The following RNF220 variants were observed in gnomAD, a reference collection of about 807,000 sequenced individuals.
RNF220 encodes the protein ring finger protein 220, also known as E3 ubiquitin-protein ligase RNF220.
A neutral mutation model predicts 67.1 loss-of-function variants in RNF220; 7 were observed. The ratio of observed to expected loss-of-function variants is 0.10; its 90% CI spans 0.06 to 0.20. RNF220 has a LOEUF of 0.20. Ranked by LOEUF, RNF220 falls within the 10% of genes least tolerant of loss-of-function variation. The pLI is 1.00. For synonymous variants in RNF220, 270 were observed against 283.2 expected (o/e 0.95, Z 0.47); for missense variants, 565 against 740.3 (o/e 0.76, Z 2.75).
intron 2 of RNF220, among the ~76,000 whole-genome samples, chr1:44,516,605 G>A (rs1051306574): frequency 2.0e-5 from 3 of 151,966 alleles, no homozygotes; most frequent in Admixed American, 6.6e-5. Context: ...GAAAGGGATC[G>A]AAGAACCACC....
At chr1:44,609,509 G>A (rs1003991725) in intron 2 of RNF220, among the ~76,000 whole-genome samples, 20 of 152,116 alleles carry the variant, frequency 1.3e-4, no homozygotes, top group Admixed American at 2.0e-4. Context: ...TGAACAAGAC[G>A]CCCGACCTCT....
chr1:44,485,613 C>A (rs1315214616), intron 2 of RNF220, among the ~76,000 whole-genome samples: 1 of 152,222 alleles, frequency 6.6e-6, no homozygotes, highest in Admixed American at 6.5e-5. Context: ...CTCTCAAGAG[C>A]CTGTTTTTCA....
At chr1:44,614,474 C>A (rs74070564) in intron 3 of RNF220, among the ~76,000 whole-genome samples, 177 bp downstream of exon 3, 3,060 of 152,334 alleles carry the variant, frequency 0.02, 89 homozygotes, top group African/African-American at 0.07. Context: ...ATGGAGCCAC[C>A]TTCCTCTTCT....
intron 2 of RNF220, among the ~76,000 whole-genome samples, chr1:44,577,940 G>A (rs1311133979): frequency 6.6e-6 from 1 of 151,026 alleles, no homozygotes; most frequent in African/African-American, 2.4e-5. Context: ...GGGCTCAAGT[G>A]ATCCTCTTAC....
intron 2 of RNF220, among the ~76,000 whole-genome samples, chr1:44,493,918 A>C (rs7515654): frequency 0.36 from 54,334 of 152,080 alleles, 11,073 homozygotes; most frequent in Non-Finnish European, 0.46. Context: ...AAAAAAGGAA[A>C]AAAATGGCCC....
At chr1:44,637,387 A>G (rs1644359884) in intron 8 of RNF220, among the ~76,000 whole-genome samples, 1 of 152,250 alleles carries the variant, frequency 6.6e-6, no homozygotes, top group South Asian at 2.1e-4. Context: ...CTCATCCCGT[A>G]CTGGAGCCTT....
chr1:44,497,954 G>A (rs1260401611), intron 2 of RNF220, among the ~76,000 whole-genome samples: 1 of 152,238 alleles, frequency 6.6e-6, no homozygotes, highest in African/African-American at 2.4e-5. Flanking sequence ...TACTTGGAAA[G>A]CTGCTTGTGC....
In RNF220 at chr1:44,412,805, A is replaced by G; in HGVS notation, c.625+83A>G. On this transcript the variant is annotated intron_variant, in intron 2 of 14. Transcript: ENST00000361799. This position sits in a 1 kb window ranked among gnomAD's most constrained non-coding sequence, Gnocchi z 5.3. ...GTTCAACAGGTCGGTGGCGTTTTGC[A>G]TGCTCCTAGTAATAGGAAGGGCCAA... 2.7e-6 allele frequency: 4 copies of G among 1,492,624 alleles called. No individual in the cohort carries two copies. The highest frequency in any genetic ancestry group is 2.8e-5 in the African/African-American group (2 of 71,652). 92.5% of individuals were successfully genotyped at this position (1,492,624 alleles called of 1,614,324 possible). A position where few individuals can be genotyped will look rare whatever the true frequency, so the allele number is the denominator to read the frequency against.
At chr1:44,559,595 C>T (rs576444280) in intron 2 of RNF220, among the ~76,000 whole-genome samples, 27 of 152,238 alleles carry the variant, frequency 1.8e-4, no homozygotes, top group African/African-American at 5.8e-4. Context: ...GGGGAGACTT[C>T]GGTCTAGCCC....
intron 2 of RNF220, among the ~76,000 whole-genome samples, chr1:44,567,698 CGTT>C (rs1038924183): frequency 2.6e-5 from 4 of 152,108 alleles, no homozygotes; most frequent in Non-Finnish European, 5.9e-5. Context: ...CAGCATAAGT[CGTT>C]GTTCTCTCTT....
intron 2 of RNF220, among the ~76,000 whole-genome samples, chr1:44,610,981 G>A (rs1245913127): frequency 6.6e-6 from 1 of 152,158 alleles, no homozygotes; most frequent in African/African-American, 2.4e-5. Flanking sequence ...TGGGAATTAT[G>A]CAAACGCGGA....
intron 2 of RNF220, among the ~76,000 whole-genome samples, chr1:44,510,638 TAC>T (rs1223562985): frequency 1.3e-5 from 2 of 152,234 alleles, no homozygotes; most frequent in Non-Finnish European, 2.9e-5. Flanking sequence ...GTCTTCCGGT[TAC>T]ACTTTCTCAT....
chr1:44,522,760 C>A (rs539097483), intron 2 of RNF220, among the ~76,000 whole-genome samples: 1 of 152,188 alleles, frequency 6.6e-6, no homozygotes, highest in African/African-American at 2.4e-5. Context: ...TAGGGAAACT[C>A]GATCTTAGTT....
chr1:44,437,870 C>CT (rs1372609907), intron 2 of RNF220, among the ~76,000 whole-genome samples: 3 of 152,158 alleles, frequency 2.0e-5, no homozygotes, highest in Admixed American at 6.5e-5. Context: ...CACTGTGTAA[C>CT]TGTGTGATCT....
Position 44,451,273 on chromosome 1 carries a change from T to C in RNF220, c.625+38551T>C, listed in dbSNP as rs184096025. On this transcript the variant is annotated intron_variant, in intron 2 of 14. Transcript: ENST00000361799. ...TTCATTTACATAATGAGAATAATCA[T>C]TACACATCTCACCAACACTGGATAT... Among the ~76,000 whole-genome samples, 343 of 152,316 alleles carry C rather than the reference T, an allele frequency of 2.3e-3. 1 individual carries two copies. Among genetic ancestry groups the C allele is most frequent in the African/African-American group, 8.0e-3 (333 of 41,580 alleles).
At chr1:44,460,962 C>T (rs921057233) in intron 2 of RNF220, among the ~76,000 whole-genome samples, 3 of 152,176 alleles carry the variant, frequency 2.0e-5, no homozygotes, top group Non-Finnish European at 2.9e-5. Context: ...CAGCACATCT[C>T]AATAATTAGT....
intron 2 of RNF220, chr1:44,423,812 G>A: frequency 1.0e-6 from 1 of 983,946 alleles, no homozygotes; most frequent in Non-Finnish European, 1.2e-6. Flanking sequence ...TCCTCTGGGA[G>A]GTGCATTGCT....
chr1:44,548,195 G>C (rs1233223162), intron 2 of RNF220, among the ~76,000 whole-genome samples: 1 of 152,032 alleles, frequency 6.6e-6, no homozygotes, highest in Non-Finnish European at 1.5e-5. Context: ...ACTTAGTTCA[G>C]GTCCTCCCTG....
intron 2 of RNF220, among the ~76,000 whole-genome samples, chr1:44,511,698 C>T (rs1237021174): frequency 2.0e-5 from 3 of 152,088 alleles, no homozygotes; most frequent in East Asian, 3.8e-4. Context: ...CTAAGCGGGG[C>T]GCTGATTGAA....
Sources: allele counts gnomAD v4.1 joint callset (sites outside exome capture counted in the v4.1 genomes callset), GRCh38; gene constraint gnomAD v4.1.1; non-coding constraint Gnocchi (gnomAD v3.1); transcripts MANE v1.5; gene names NCBI Gene and HGNC (gene_info 2026-07-23, HGNC 2026-07-21).